Variants in GRHPR observed in about 807,000 individuals in gnomAD.
The protein encoded by GRHPR is glyoxylate and hydroxypyruvate reductase.
A neutral mutation model predicts 36.8 loss-of-function variants in GRHPR; 35 were observed. The ratio of observed to expected loss-of-function variants is 0.95; its 90% confidence interval spans 0.73 to 1.26. GRHPR has a LOEUF of 1.26. GRHPR is among the 50% of genes most tolerant of loss of function. The probability of loss-of-function intolerance (pLI) is 0.00; values close to 1 mark genes in which losing one functional copy is unlikely to be tolerated. For synonymous variants in GRHPR, 179 were observed against 181.0 expected, an observed-to-expected ratio of 0.99 and a Z score of 0.09; for missense variants, 380 against 435.0, an observed-to-expected ratio of 0.87 and a Z score of 1.12.
intron 6 of GRHPR, 42 bp downstream of exon 6, chr9:37,429,878 A>G (rs368444454): frequency 8.7e-7 from 1 of 1,154,690 alleles, no homozygotes; most frequent in African/African-American, 1.5e-5. Flanking sequence ...ATCTGTGCCC[A>G]GTTGAGAGGC....
chr9:37,433,126 C>T (rs1564303049), intron 8 of GRHPR, among the ~76,000 whole-genome samples: 1 of 152,194 alleles, frequency 6.6e-6, no homozygotes, highest in Non-Finnish European at 1.5e-5. Flanking sequence ...GAGACAAGAG[C>T]AACAGCCAGT....
chr9:37,428,814 TTCA>T (rs1823212917), intron 5 of GRHPR: 2 of 650,906 alleles, frequency 3.1e-6, no homozygotes, highest in Non-Finnish European at 5.7e-6. Flanking sequence ...GTCAGGGGGC[TTCA>T]TGATTCCGGC....
At chr9:37,430,776 C>A in intron 7 of GRHPR, 130 bp downstream of exon 7, 1 of 837,474 alleles carries the variant, frequency 1.2e-6, no homozygotes, top group South Asian at 1.4e-5. Flanking sequence ...ATAAACCAAA[C>A]AACCAACTCA....
chr9:37,426,704 C>A lies in GRHPR; in HGVS notation c.404+50C>A, dbSNP rs759454749. On this transcript the variant is annotated intron_variant, in intron 4 of 8. Transcript: ENST00000318158. Reference sequence around the variant, plus strand: ...GTGGCTCACGGCTGTAATCCCAGCACTTTGGGAGGCCAAAGTGAGCGGATC... The same window carrying A: ...GTGGCTCACGGCTGTAATCCCAGCAATTTGGGAGGCCAAAGTGAGCGGATC... 3.8e-6 allele frequency: 4 copies of A among 1,044,232 alleles called. No individual in the cohort carries two copies. The African/African-American group carries it at 4.7e-5, about 12-fold the overall frequency. The allele number at this position is 1,044,232 out of a possible 1,614,324, so 64.7% of individuals were successfully genotyped here.
upstream of GRHPR, chr9:37,422,523 C>G (rs13299681): frequency 1.8e-6 from 1 of 551,496 alleles, no homozygotes. Context: ...GCGCACCCCC[C>G]CACACACACA....
At chr9:37,432,416 A>G in intron 8 of GRHPR, 1 of 379,262 alleles carries the variant, frequency 2.6e-6, no homozygotes. Context: ...GTGGTGGCTC[A>G]TGCCTGTAAT....
intron 5 of GRHPR, chr9:37,429,072 C>T (rs1401998055): frequency 3.2e-6 from 1 of 310,502 alleles, no homozygotes; most frequent in African/African-American, 2.2e-5. Context: ...GTGAGCCTAG[C>T]CAAGCAGCTA....
chr9:37,430,356 TGTGCACTCATGAGA>T, intron 6 of GRHPR, 141 bp from the exon 7 acceptor site: 1 of 726,518 alleles, frequency 1.4e-6, no homozygotes, highest in Non-Finnish European at 2.5e-6. Context: ...GATTTGACTT[TGTGCACTCATGAGA>T]GTTGTCCAGG....
intron 4 of GRHPR, 118 bp downstream of exon 4, chr9:37,426,772 A>AC (rs1823101968): frequency 2.9e-6 from 2 of 680,236 alleles, no homozygotes; most frequent in East Asian, 2.8e-5. Flanking sequence ...ACATAGTGAA[A>AC]CCCCGTCTCT....
chr9:37,430,766 A>G (rs772733777), intron 7 of GRHPR, 120 bp downstream of exon 7: 16 of 930,970 alleles, frequency 1.7e-5, no homozygotes, highest in Non-Finnish European at 2.8e-5. Flanking sequence ...GCTGGTTTCC[A>G]TAAACCAAAC....
At chr9:37,422,472 GC>G (rs1312737748), upstream of GRHPR, among the ~76,000 whole-genome samples, 1 of 152,016 alleles carries the variant, frequency 6.6e-6, no homozygotes, top group South Asian at 2.1e-4. Flanking sequence ...ACGGGATACT[GC>G]CCCCTCTCCC....
chr9:37,433,541 T>C (rs1330679309), intron 8 of GRHPR, among the ~76,000 whole-genome samples: 1 of 152,252 alleles, frequency 6.6e-6, no homozygotes, highest in East Asian at 1.9e-4. Context: ...TCTCATACTT[T>C]TGAGTTCGTC....
rs771110153 is a variant in GRHPR at position 37,424,887 on chromosome 9, C to T, written c.126C>T (p.Ala42=). 7 of 1,613,724 alleles carry T rather than the reference C, an allele frequency of 4.3e-6. No individual in the cohort carries two copies. Among genetic ancestry groups the T allele is most frequent in the East Asian group, 2.2e-5 (1 of 44,888 alleles). Residue 42 remains alanine (A), a synonymous_variant, in exon 2 of 9, where the codon GCC becomes GCT. Transcript: ENST00000318158. ...EQWDSDEPIP[A]KELERGVAGA... ...GGGACTCGGATGAGCCCATCCCTGCCAAGGAGCTAGAGCGAGGTGTGGCGG... is the reference window on the plus strand; with the variant it reads ...GGGACTCGGATGAGCCCATCCCTGCTAAGGAGCTAGAGCGAGGTGTGGCGG...
At chr9:37,425,307 C>T (rs937526282) in intron 2 of GRHPR, among the ~76,000 whole-genome samples, 16 of 152,220 alleles carry the variant, frequency 1.1e-4, no homozygotes, top group African/African-American at 3.9e-4. Flanking sequence ...TGGGCGTGTG[C>T]GTAGTATGAG....
rs200847843 is a variant in GRHPR at position 37,422,748 on chromosome 9, C to T, written c.-3C>T. ...CAGGTCCGGGTCGGCGGCTGCACTG[C>T]GGATGAGACCGGTGCGACTCATGAA... On this transcript the variant is annotated 5_prime_UTR_variant, in exon 1 of 9. Coordinates refer to ENST00000318158, the MANE Select transcript of GRHPR (RefSeq NM_012203.2). The T allele has an allele frequency of 1.1e-4, 167 of 1,578,562 alleles. No individual in the cohort carries two copies. The highest frequency in any genetic ancestry group is 1.3e-4 in the Non-Finnish European group (156 of 1,163,392).
rs144889138 is a variant in GRHPR, at chr9:37,433,486, T to G, written c.865+1348T>G. Among the ~76,000 whole-genome samples, 1,265 of 152,194 alleles carry G rather than the reference T, an allele frequency of 8.3e-3. 19 individuals carry two copies. Among genetic ancestry groups the G allele is most frequent in the African/African-American group, 0.029 (1,214 of 41,544 alleles). On this transcript the variant is annotated intron_variant, in intron 8 of 8. Transcript: ENST00000318158. ...TGACCTCAGATGGTCCACCTGCCTC[T>G]GCCTCCCAAAGTGCTGGGATTACAG...
At chr9:37,428,692 A>C in intron 5 of GRHPR, 120 bp downstream of exon 5, 1 of 751,652 alleles carries the variant, frequency 1.3e-6, no homozygotes, top group Non-Finnish European at 2.4e-6. Context: ...TGCTTGCAGT[A>C]GAGATATCTC....
At position 37,430,549 on chromosome 9, in the gene GRHPR, G is replaced by T. The variant is rs145899443; in HGVS notation, c.637G>T (p.Val213Phe). 2 of 1,613,698 alleles carry T rather than the reference G, an allele frequency of 1.2e-6. No homozygotes were observed. The highest frequency in any genetic ancestry group is 2.2e-5 in the South Asian group (2 of 91,072). The change falls in exon 7 of 9, where the codon GTC becomes TTC. Residue 213 changes from valine to phenylalanine, a missense_variant. Physicochemically the swap from Val to Phe is conservative, Grantham distance 50 (BLOSUM62 -1). Coordinates refer to ENST00000318158, the MANE Select transcript of GRHPR (RefSeq NM_012203.2). ...PELAAQSDFI[V>F]VACSLTPATE... The stretch of plus-strand genomic sequence containing the variant: ...GCTGGCTGCCCAATCTGATTTCATC[G>T]TCGTGGCCTGCTCCTTAACACCTGC...
Position 37,433,144 on chromosome 9 carries a change from C to A in GRHPR, c.865+1006C>A, listed in dbSNP as rs943541963. 3.3e-5 allele frequency among the ~76,000 whole-genome samples: 5 copies of A among 152,202 alleles called. No homozygotes were observed. In the East Asian group the frequency reaches 9.6e-4, roughly 29 times the overall value. On this transcript the variant is annotated intron_variant, in intron 8 of 8. Transcript: ENST00000318158. ...ACAAGAGCAACAGCCAGTCAGTGCC[C>A]GTGCCACCGAAGTCTGAGTTGCAGC...
Sources: allele counts gnomAD v4.1 joint callset (sites outside exome capture counted in the v4.1 genomes callset), GRCh38; gene constraint gnomAD v4.1.1; transcripts MANE v1.5; gene names NCBI Gene and HGNC (gene_info 2026-07-23, HGNC 2026-07-21).